Variants in CDIN1 observed in about 807,000 individuals in gnomAD.
CDIN1 encodes the protein CDAN1 interacting nuclease 1.
In CDIN1, 33 loss-of-function variants were observed where a neutral mutation model predicts 45.3. The observed-to-expected ratio is 0.73, with a 90% CI of 0.55 to 0.97. The LOEUF is 0.97. Among genes scored for constraint, CDIN1 ranks in the 50% least tolerant of loss-of-function variants. The probability of loss-of-function intolerance (pLI) is 0.00; values close to 1 mark genes in which losing one functional copy is unlikely to be tolerated. For missense variants in CDIN1, 303 were observed against 339.4 expected (o/e 0.89, Z 0.84); for synonymous variants, 118 against 124.4 (o/e 0.95, Z 0.34).
At chr15:36,678,918 C>T (rs1447991442) in intron 5 of CDIN1, among the ~76,000 whole-genome samples, 1 of 152,178 alleles carries the variant, frequency 6.6e-6, no homozygotes, top group Non-Finnish European at 1.5e-5. Flanking sequence ...AAAGCAAGAG[C>T]TATAAAAATG....
At chr15:36,699,363 G>C (rs2042550469) in intron 8 of CDIN1, among the ~76,000 whole-genome samples, 1 of 152,144 alleles carries the variant, frequency 6.6e-6, no homozygotes, top group Non-Finnish European at 1.5e-5. Context: ...GGTAAATTTA[G>C]ATAGATCATT....
intron 10 of CDIN1, among the ~76,000 whole-genome samples, chr15:36,781,352 G>A (rs1251143554): frequency 6.6e-6 from 1 of 152,198 alleles, no homozygotes; most frequent in Non-Finnish European, 1.5e-5. Flanking sequence ...CATTATCTGA[G>A]ATTACGGCCT....
Position 36,592,966 on chromosome 15 carries a change from G to A in CDIN1, c.101+13005G>A, listed in dbSNP as rs146101410. ...TCAGATGTTACATTTTCATTTGGTA[G>A]TTATTCCAGTATAAAAACAGAGGGA... is the stretch of plus-strand genomic sequence containing the variant. On this transcript the variant is annotated intron_variant, in intron 1 of 10. Transcript: ENST00000566621. 2.6e-3 allele frequency among the ~76,000 whole-genome samples: 392 copies of A among 152,242 alleles called. 3 individuals carry two copies. Among genetic ancestry groups the A allele is most frequent in the African/African-American group, 9.1e-3 (379 of 41,536 alleles).
At chr15:36,685,399 A>T (rs1366092020) in intron 5 of CDIN1, among the ~76,000 whole-genome samples, 3 of 150,310 alleles carry the variant, frequency 2.0e-5, no homozygotes, top group Non-Finnish European at 4.4e-5. Context: ...TTTGAGTGAG[A>T]TTCTTAATCC....
At chr15:36,651,881 G>A (rs2040589732) in intron 3 of CDIN1, among the ~76,000 whole-genome samples, 1 of 152,090 alleles carries the variant, frequency 6.6e-6, no homozygotes, top group African/African-American at 2.4e-5. Flanking sequence ...TTGTAGTTAT[G>A]GTTTAATCAT....
intron 1 of CDIN1, among the ~76,000 whole-genome samples, chr15:36,624,752 A>G (rs2039343457): frequency 6.6e-6 from 1 of 152,186 alleles, no homozygotes; most frequent in Non-Finnish European, 1.5e-5. Flanking sequence ...GTATGAGATT[A>G]TTAATACCAT....
intron 10 of CDIN1, among the ~76,000 whole-genome samples, chr15:36,715,961 A>G (rs1176812695): frequency 6.6e-6 from 1 of 152,202 alleles, no homozygotes; most frequent in Non-Finnish European, 1.5e-5. Flanking sequence ...TGAGGAATTC[A>G]TATTTTCTGC....
intron 10 of CDIN1, among the ~76,000 whole-genome samples, chr15:36,800,410 C>G (rs1015397800): frequency 6.6e-6 from 1 of 152,114 alleles, no homozygotes; most frequent in South Asian, 2.1e-4. Context: ...AGTGCCAGAA[C>G]TTTATGATGT....
chr15:36,705,995 C>T (rs974514115), intron 8 of CDIN1: 9 of 151,912 alleles, frequency 5.9e-5, no homozygotes, highest in African/African-American at 2.2e-4. Context: ...TTGAAGAAAA[C>T]ATCTTATATT....
At chr15:36,678,037 G>T (rs551377324) in intron 5 of CDIN1, among the ~76,000 whole-genome samples, 23 of 152,290 alleles carry the variant, frequency 1.5e-4, no homozygotes, top group South Asian at 1.0e-3. Flanking sequence ...ATATTTGATA[G>T]CTCTAGTCTA....
Position 36,808,676 on chromosome 15 carries a change from A to T in CDIN1, c.*223A>T. The stretch of plus-strand genomic sequence containing the variant: ...CAAGAACTACAGACACAACCCACTC[A>T]TTATCAGCATTTCTGTCTCTGTCAA... On this transcript the variant is annotated 3_prime_UTR_variant, in exon 11 of 11. Coordinates refer to ENST00000566621, the MANE Select transcript of CDIN1 (RefSeq NM_001321759.2). The T allele has an allele frequency of 1.7e-6, 1 of 577,472 alleles. No homozygotes were observed. The highest frequency in any genetic ancestry group is 2.0e-5 in the South Asian group (1 of 50,464). The allele number at this position is 577,472 out of a possible 1,614,324, so 35.8% of individuals were successfully genotyped here.
At chr15:36,778,974 C>T (rs992624193) in intron 10 of CDIN1, among the ~76,000 whole-genome samples, 1 of 152,042 alleles carries the variant, frequency 6.6e-6, no homozygotes, top group African/African-American at 2.4e-5. Context: ...TTGTAGGAGC[C>T]GAGTAAGACT....
chr15:36,783,291 G>A (rs563397870), intron 10 of CDIN1, among the ~76,000 whole-genome samples: 39 of 152,038 alleles, frequency 2.6e-4, no homozygotes, highest in Non-Finnish European at 4.4e-4. Flanking sequence ...CCAGCAGTTC[G>A]GCAGATTAAT....
chr15:36,709,658 A>G (rs1478194821), intron 9 of CDIN1, among the ~76,000 whole-genome samples, 198 bp from the exon 10 acceptor site: 1 of 152,172 alleles, frequency 6.6e-6, no homozygotes, highest in Non-Finnish European at 1.5e-5. Context: ...TATAATGAAA[A>G]TCAAAGGGAT....
chr15:36,727,338 TA>T (rs200967467), intron 10 of CDIN1, among the ~76,000 whole-genome samples: 33,550 of 138,290 alleles, frequency 0.24, 3,805 homozygotes, highest in East Asian at 0.3. Context: ...TCTTTTTTCT[TA>T]AAAAAAAAAA....
chr15:36,680,011 G>C (rs1247317905), intron 5 of CDIN1, among the ~76,000 whole-genome samples: 1 of 152,194 alleles, frequency 6.6e-6, no homozygotes, highest in African/African-American at 2.4e-5. Context: ...GGTTATATTT[G>C]AGAATCTAAT....
intron 1 of CDIN1, among the ~76,000 whole-genome samples, chr15:36,622,629 A>G (rs976620570): frequency 2.6e-5 from 4 of 152,226 alleles, no homozygotes; most frequent in East Asian, 1.9e-4. Flanking sequence ...TTGAGGAAAC[A>G]TGAGGAACCA....
chr15:36,671,953 C>T (rs1198283173), intron 5 of CDIN1, among the ~76,000 whole-genome samples: 1 of 152,018 alleles, frequency 6.6e-6, no homozygotes, highest in Non-Finnish European at 1.5e-5. Flanking sequence ...TAAAAATGTG[C>T]ACTGTTTTAA....
chr15:36,581,475 C>A (rs1001964288), intron 1 of CDIN1, among the ~76,000 whole-genome samples: 1 of 152,144 alleles, frequency 6.6e-6, no homozygotes, highest in Non-Finnish European at 1.5e-5. Flanking sequence ...ATACTCAAAT[C>A]TTTTTCACTT....
Sources: gnomAD v4.1 joint callset for allele counts (sites outside exome capture counted in the v4.1 genomes callset) on GRCh38, gnomAD v4.1.1 for gene constraint, MANE v1.5 for transcripts, NCBI Gene and HGNC (gene_info 2026-07-23, HGNC 2026-07-21) for gene names.